The following PDE10A variants were observed in gnomAD, a reference collection of about 807,000 sequenced individuals.
PDE10A encodes the protein cAMP and cAMP-inhibited cGMP 3',5'-cyclic phosphodiesterase 10A.
PDE10A carries 39 observed loss-of-function variants against 97.7 expected under a neutral mutation model. The observed-to-expected ratio is 0.40, with a 90% confidence interval of 0.31 to 0.52. PDE10A has a LOEUF of 0.52. PDE10A is among the 20% of genes least tolerant of loss of function. PDE10A has a pLI of 0.56. For missense variants in PDE10A, 731 were observed against 1,047.8 expected (o/e 0.70, Z 4.17); for synonymous variants, 371 against 376.8 (o/e 0.98, Z 0.18).
At chr6:165,878,193 C>T (rs922277421) in intron 1 of PDE10A, among the ~76,000 whole-genome samples, 1 of 152,166 alleles carries the variant, frequency 6.6e-6, no homozygotes, top group African/African-American at 2.4e-5. Flanking sequence ...GATTGGAAAC[C>T]AAACCATAGA....
chr6:165,402,389 T>C (rs1786737382), intron 13 of PDE10A, among the ~76,000 whole-genome samples: 1 of 152,066 alleles, frequency 6.6e-6, no homozygotes, highest in Admixed American at 6.6e-5. Context: ...AAAATTTATA[T>C]TACTTCCCAT....
intron 1 of PDE10A, among the ~76,000 whole-genome samples, chr6:165,672,969 C>T (rs1790689484): frequency 6.6e-6 from 1 of 152,126 alleles, no homozygotes; most frequent in South Asian, 2.1e-4. Flanking sequence ...AGTTGCCAGT[C>T]CTTTTTGGTT....
intron 2 of PDE10A, among the ~76,000 whole-genome samples, chr6:165,507,532 T>G (rs950803039): frequency 6.6e-6 from 1 of 152,208 alleles, no homozygotes; most frequent in East Asian, 1.9e-4. Context: ...CCAAGTCCAG[T>G]AAGTTTCTTC....
At chr6:165,490,949 A>G (rs568486099) in intron 2 of PDE10A, among the ~76,000 whole-genome samples, 2 of 152,318 alleles carry the variant, frequency 1.3e-5, no homozygotes, top group Admixed American at 1.3e-4. Context: ...AGCAAGACCC[A>G]GTCTCCAAAA....
chr6:165,504,425 C>G (rs1224618375), intron 2 of PDE10A, among the ~76,000 whole-genome samples: 2 of 152,074 alleles, frequency 1.3e-5, no homozygotes, highest in Non-Finnish European at 2.9e-5. Flanking sequence ...ATTGAATATT[C>G]TTCATCTCCA....
chr6:165,871,633 C>T (rs941363820), intron 1 of PDE10A, among the ~76,000 whole-genome samples: 4 of 152,212 alleles, frequency 2.6e-5, no homozygotes, highest in Admixed American at 2.6e-4. Flanking sequence ...AGGGAGATGT[C>T]TGGCGAAAGT....
chr6:165,776,132 A>G (rs941113441), intron 1 of PDE10A, among the ~76,000 whole-genome samples: 6 of 152,226 alleles, frequency 3.9e-5, no homozygotes, highest in African/African-American at 1.4e-4. Flanking sequence ...TTTCTTCACA[A>G]ATATTTTTAG....
chr6:165,459,827 G>A (rs1046122203), intron 3 of PDE10A, among the ~76,000 whole-genome samples: 1 of 152,114 alleles, frequency 6.6e-6, no homozygotes, highest in Admixed American at 6.5e-5. Context: ...TACGTTTCCT[G>A]GAGCTTGCTT....
intron 1 of PDE10A, among the ~76,000 whole-genome samples, chr6:165,986,949 G>A (rs1384878166): frequency 8.4e-6 from 1 of 118,504 alleles, no homozygotes; most frequent in Non-Finnish European, 1.7e-5. Flanking sequence ...GACATCACAG[G>A]ATCTTTTGCA....
rs778126794 is a variant in PDE10A, at chr6:165,448,967, G to A, written c.1155C>T (p.Ala385=). The A allele has an allele frequency of 5.0e-5, 80 of 1,612,098 alleles. No individual in the cohort carries two copies. Among genetic ancestry groups the A allele is most frequent in the Middle Eastern group, 1.7e-4 (1 of 6,052 alleles). Reference sequence around the variant, plus strand: ...CAAGGAAATACAGTGCAAATCCATCGGCTTTTGTGGCTGCCAAAGTAATAA... The same window carrying A: ...CAAGGAAATACAGTGCAAATCCATCAGCTTTTGTGGCTGCCAAAGTAATAA... ...LSSIIKIATK[A]DGFALYFLGE... is the part of the protein sequence containing the mutation. The change falls in exon 5 of 22, where the codon GCC becomes GCT. Residue 385 remains alanine, a synonymous_variant. Transcript: ENST00000539869.
chr6:165,684,370 C>G (rs1396954584), intron 1 of PDE10A, among the ~76,000 whole-genome samples: 1 of 152,204 alleles, frequency 6.6e-6, no homozygotes, highest in Admixed American at 6.5e-5. Context: ...AGCCATGCAC[C>G]TGGAGATAAA....
intron 2 of PDE10A, among the ~76,000 whole-genome samples, chr6:165,507,114 C>T (rs1781241684): frequency 6.6e-6 from 1 of 152,134 alleles, no homozygotes; most frequent in Admixed American, 6.6e-5. Flanking sequence ...TTTCCCTACC[C>T]TGTACTTGTG....
chr6:165,424,769 C>T (rs556246667), intron 10 of PDE10A, among the ~76,000 whole-genome samples: 17 of 152,112 alleles, frequency 1.1e-4, no homozygotes, highest in African/African-American at 3.4e-4. Flanking sequence ...GCCTTTATAC[C>T]AGGAATGTAA....
At chr6:165,538,612 T>G (rs901982092) in intron 2 of PDE10A, among the ~76,000 whole-genome samples, 1 of 152,156 alleles carries the variant, frequency 6.6e-6, no homozygotes, top group Non-Finnish European at 1.5e-5. Flanking sequence ...CATGCACCCT[T>G]TCTAATACCA....
chr6:165,864,749 A>C (rs1390752407), intron 1 of PDE10A, among the ~76,000 whole-genome samples: 1 of 152,244 alleles, frequency 6.6e-6, no homozygotes, highest in African/African-American at 2.4e-5. Context: ...CTAGGCAAAA[A>C]AATTAATGTC....
Position 165,819,576 on chromosome 6 carries a change from C to T in PDE10A, c.-615+167953G>A, listed in dbSNP as rs116938293. On this transcript the variant is annotated intron_variant, in intron 1 of 19. Coordinates refer to the PDE10A transcript ENST00000366882. This position sits in a 1 kb window ranked among gnomAD's most constrained non-coding sequence, Gnocchi z 4.2. ...TTGTCCTTCAGGCCTCATCCACTGCCGCGACCCCCACCCCGAGTTGCCGGA... is the reference window on the plus strand; with the variant it reads ...TTGTCCTTCAGGCCTCATCCACTGCTGCGACCCCCACCCCGAGTTGCCGGA... 0.011 allele frequency among the ~76,000 whole-genome samples: 1,635 copies of T among 152,240 alleles called. 28 individuals are homozygous for T. Among genetic ancestry groups the T allele is most frequent in the African/African-American group, 0.031 (1,272 of 41,536 alleles).
In PDE10A at chr6:165,537,900, G is replaced by GT. The variant is rs145800762; in HGVS notation, c.994+5539dup. On this transcript the variant is annotated intron_variant, in intron 2 of 21. Coordinates refer to ENST00000539869, the MANE Select transcript of PDE10A (RefSeq NM_001385079.1). ...TTCATGCAAACCATTTCAAAAACGT[G>GT]TTTTTTTCTTATCATGAAAATATAC... Among the ~76,000 whole-genome samples the GT allele has an allele frequency of 4.5e-3, 686 of 151,838 alleles. 3 individuals are homozygous for GT. Among genetic ancestry groups the GT allele is most frequent in the African/African-American group, 0.014 (562 of 41,476 alleles).
In PDE10A at chr6:165,834,536, G is replaced by A. The variant is rs570086208; in HGVS notation, c.-615+152993C>T. Reference sequence around the variant, plus strand: ...GAACAAACATTTCAAATGGTGAAGAGCAGCAGGGGCTTGGAAGGCACAGAT... The same window carrying A: ...GAACAAACATTTCAAATGGTGAAGAACAGCAGGGGCTTGGAAGGCACAGAT... On this transcript the variant is annotated intron_variant, in intron 1 of 19. Transcript: ENST00000366882. Among the ~76,000 whole-genome samples the A allele has an allele frequency of 9.2e-5, 14 of 152,338 alleles. No individual in the cohort carries two copies. The South Asian group carries it at 1.7e-3, about 18-fold the overall frequency.
At chr6:165,515,861 G>C (rs1781773171) in intron 2 of PDE10A, among the ~76,000 whole-genome samples, 1 of 151,928 alleles carries the variant, frequency 6.6e-6, no homozygotes, top group African/African-American at 2.4e-5. Context: ...GGCTTTAAAA[G>C]GGGGAGCTTA....
Sources: allele counts gnomAD v4.1 joint callset (sites outside exome capture counted in the v4.1 genomes callset), GRCh38; gene constraint gnomAD v4.1.1; non-coding constraint Gnocchi (gnomAD v3.1); transcripts MANE v1.5; gene names NCBI Gene and HGNC (gene_info 2026-07-23, HGNC 2026-07-21).